Variants in DNAJC11 observed in about 807,000 individuals in gnomAD.
The protein encoded by DNAJC11 is DnaJ heat shock protein family (Hsp40) member C11, also known as dnaJ homolog subfamily C member 11.
In DNAJC11, 15 loss-of-function variants were observed where a neutral mutation model predicts 78.6. That is an observed-to-expected ratio of 0.19 (90% confidence interval 0.13 to 0.29). The LOEUF (loss-of-function observed/expected upper bound fraction) is 0.29. Among genes scored for constraint, DNAJC11 ranks in the 10% least tolerant of loss-of-function variants. DNAJC11 has a pLI of 1.00. For missense variants in DNAJC11, 547 were observed against 709.6 expected (o/e 0.77, Z 2.60); for synonymous variants, 292 against 272.1 (o/e 1.07, Z -0.72).
At chr1:6,688,765 G>A (rs1466364093) in intron 1 of DNAJC11, among the ~76,000 whole-genome samples, 1 of 152,170 alleles carries the variant, frequency 6.6e-6, no homozygotes, top group Non-Finnish European at 1.5e-5. Flanking sequence ...ATAACAGGCC[G>A]GTGTTGGGGA....
chr1:6,654,317 A>T, intron 4 of DNAJC11: 1 of 301,322 alleles, frequency 3.3e-6, no homozygotes, highest in Non-Finnish European at 6.4e-6. Context: ...CAAAGACAAA[A>T]GTGTTAGTCA....
chr1:6,701,275 G>A (rs1642923038), intron 1 of DNAJC11, among the ~76,000 whole-genome samples: 1 of 152,200 alleles, frequency 6.6e-6, no homozygotes, highest in South Asian at 2.1e-4. Flanking sequence ...AAAGCCCTAA[G>A]GACGTTCCCT....
In DNAJC11 at chr1:6,698,201, C is replaced by T. The variant is rs748924630; in HGVS notation, c.72+3528G>A. On this transcript the variant is annotated intron_variant, in intron 1 of 15. Coordinates refer to ENST00000377577, the MANE Select transcript of DNAJC11 (RefSeq NM_018198.4). ...CTGAACATTGAGAGTTTTGAGGACA[C>T]TCTTTTGAAGGTACTTTGAAGTATC... Among the ~76,000 whole-genome samples, 77 of 152,160 alleles carry T rather than the reference C, an allele frequency of 5.1e-4. 2 individuals carry two copies. The highest frequency in any genetic ancestry group is 1.9e-4 in the Non-Finnish European group (13 of 68,022).
At chr1:6,656,879 G>A (rs1642135479) in intron 4 of DNAJC11, among the ~76,000 whole-genome samples, 1 of 152,070 alleles carries the variant, frequency 6.6e-6, no homozygotes, top group Non-Finnish European at 1.5e-5. Context: ...CTGTATCACT[G>A]CACTCTAGCC....
At chr1:6,647,722 G>A (rs1028127102) in intron 7 of DNAJC11, among the ~76,000 whole-genome samples, 1 of 152,116 alleles carries the variant, frequency 6.6e-6, no homozygotes, top group East Asian at 1.9e-4. Flanking sequence ...GGAGGCTGAG[G>A]CAGAATAGCT....
intron 4 of DNAJC11, among the ~76,000 whole-genome samples, chr1:6,661,943 C>T (rs942420549): frequency 1.1e-4 from 16 of 152,118 alleles, no homozygotes; most frequent in Middle Eastern, 3.4e-3. Context: ...TTCCTTGATA[C>T]GTTATTCAGA....
chr1:6,637,256 G>A lies in DNAJC11; in HGVS notation c.1466C>T (p.Thr489Ile). The A allele has an allele frequency of 6.2e-7, 1 of 1,614,182 alleles. No individual in the cohort carries two copies. The highest frequency in any genetic ancestry group is 1.1e-5 in the South Asian group (1 of 91,080). The change falls in exon 14 of 16, where the codon ACT becomes ATT. Residue 489 changes from threonine to isoleucine, a missense_variant. Physicochemically the swap from Thr to Ile is moderately conservative, Grantham distance 89. Coordinates refer to ENST00000377577, the MANE Select transcript of DNAJC11 (RefSeq NM_018198.4). The stretch of plus-strand genomic sequence containing the variant: ...CTTCACCAGGCACTGCAGGGGCACA[G>A]TCACGTCAATCACCTTCACCTTCTC... ...KSEKVKVIDV[T>I]VPLQCLVKDS...
intron 4 of DNAJC11, among the ~76,000 whole-genome samples, chr1:6,658,356 G>A (rs1233312684): frequency 6.6e-6 from 1 of 152,182 alleles, no homozygotes; most frequent in African/African-American, 2.4e-5. Context: ...GTTAAGAAAG[G>A]CTAGGTAATC....
chr1:6,670,864 A>G (rs1411690199), intron 3 of DNAJC11: 1 of 152,132 alleles, frequency 6.6e-6, no homozygotes, highest in Admixed American at 6.6e-5. Context: ...GCAAGGTACA[A>G]TTTTTCAAAG....
intron 1 of DNAJC11, among the ~76,000 whole-genome samples, chr1:6,684,770 C>T (rs1271651368): frequency 6.6e-6 from 1 of 152,068 alleles, no homozygotes; most frequent in Admixed American, 6.6e-5. Flanking sequence ...AGAATGACAC[C>T]TAAAGGTACA....
At chr1:6,643,328 T>G (rs1193498346) in intron 10 of DNAJC11, among the ~76,000 whole-genome samples, 3 of 146,818 alleles carry the variant, frequency 2.0e-5, no homozygotes, top group Middle Eastern at 3.5e-3. Flanking sequence ...CAGGCTGGAG[T>G]GCAGTGGCGC....
chr1:6,643,385 C>T (rs1038396730), intron 10 of DNAJC11, among the ~76,000 whole-genome samples: 5 of 151,630 alleles, frequency 3.3e-5, no homozygotes, highest in East Asian at 1.9e-4. Context: ...ACACCATTCT[C>T]CTGCCTCAGC....
In DNAJC11 at chr1:6,638,367, T is replaced by G; in HGVS notation, c.1254-3A>C. 2 of 1,612,900 alleles carry G rather than the reference T, an allele frequency of 1.2e-6. No homozygotes were observed. The highest frequency in any genetic ancestry group is 1.7e-6 in the Non-Finnish European group (2 of 1,179,426). On this transcript the variant is annotated splice_polypyrimidine_tract_variant and splice_region_variant and intron_variant, in intron 11 of 15. Coordinates refer to ENST00000377577, the MANE Select transcript of DNAJC11 (RefSeq NM_018198.4). ...TTTCCCTCTGCTTCTCCAATTCCCT[T>G]ACGCGAGAGGAACACAAGCCCCACG... is the stretch of plus-strand genomic sequence containing the variant.
Position 6,653,021 on chromosome 1 carries a change from A to G in DNAJC11, c.508-70T>C. The G allele has an allele frequency of 6.3e-7, 1 of 1,598,224 alleles. No homozygotes were observed. On this transcript the variant is annotated intron_variant, in intron 5 of 15. Transcript: ENST00000377577. The surrounding 1 kb of genome is among the most constrained non-coding windows in gnomAD (Gnocchi z 4.5). Reference sequence around the variant, plus strand: ...AAGTGCCAATGGCAGCAGCCTAAAGAACGCACTGTGAGCCCAAGGCCAAAG... The same window carrying G: ...AAGTGCCAATGGCAGCAGCCTAAAGGACGCACTGTGAGCCCAAGGCCAAAG...
intron 4 of DNAJC11, among the ~76,000 whole-genome samples, chr1:6,663,150 G>C (rs1003229841): frequency 6.6e-6 from 1 of 152,146 alleles, no homozygotes; most frequent in Non-Finnish European, 1.5e-5. Context: ...CTAGATCAGA[G>C]AGGTCTTGCC....
At chr1:6,639,751 C>G (rs1008952199) in intron 11 of DNAJC11, 151 bp downstream of exon 11, 7 of 747,822 alleles carry the variant, frequency 9.4e-6, no homozygotes, top group Admixed American at 3.4e-5. Flanking sequence ...CAATCGTGAC[C>G]CAGACATCAG....
chr1:6,640,061 G>T lies in DNAJC11; in HGVS notation c.1098-4C>A. The T allele has an allele frequency of 6.6e-7, 1 of 1,509,824 alleles. No individual in the cohort carries two copies. The allele number at this position is 1,509,824 out of a possible 1,614,324, so 93.5% of individuals were successfully genotyped here. A position where few individuals can be genotyped will look rare whatever the true frequency, so the allele number is the denominator to read the frequency against. On this transcript the variant is annotated splice_region_variant and splice_polypyrimidine_tract_variant and intron_variant, in intron 10 of 15. Coordinates refer to ENST00000377577, the MANE Select transcript of DNAJC11 (RefSeq NM_018198.4). ...TGTCTGACTGGCCCTGTTGAGCCTG[G>T]GGAAAAATACAAAAAAAAAAAAAAA...
At chr1:6,665,867 C>G (rs951236253) in intron 4 of DNAJC11, among the ~76,000 whole-genome samples, 1 of 151,736 alleles carries the variant, frequency 6.6e-6, no homozygotes, top group African/African-American at 2.4e-5. Flanking sequence ...TCCCCCATCC[C>G]ACCTCCATCT....
chr1:6,692,910 C>A (rs1642769448), intron 1 of DNAJC11, among the ~76,000 whole-genome samples: 1 of 150,410 alleles, frequency 6.6e-6, no homozygotes, highest in Admixed American at 6.6e-5. Context: ...TGCGCCCAGC[C>A]TCTTTTTTTT....
Sources: gnomAD v4.1 joint callset for allele counts (sites outside exome capture counted in the v4.1 genomes callset) on GRCh38, gnomAD v4.1.1 for gene constraint, Gnocchi (gnomAD v3.1) non-coding constraint, MANE v1.5 for transcripts, NCBI Gene and HGNC (gene_info 2026-07-23, HGNC 2026-07-21) for gene names.